The following SH3BGR variants were observed in gnomAD, a reference collection of about 807,000 sequenced individuals.
SH3BGR encodes the protein SH3 domain-binding glutamic acid-rich protein.
A neutral mutation model predicts 24.5 loss-of-function variants in SH3BGR; 29 were observed. That is an observed-to-expected ratio of 1.18 (90% confidence interval 0.88 to 1.61). SH3BGR has a LOEUF of 1.61. SH3BGR is among the 40% of genes most tolerant of loss of function. SH3BGR has a pLI of 0.00. For missense variants in SH3BGR, 162 were observed against 205.8 expected (o/e 0.79, Z 1.30); for synonymous variants, 55 against 65.7 (o/e 0.84, Z 0.79).
At chr21:39,507,208 G>C (rs2078598055) in intron 4 of SH3BGR, among the ~76,000 whole-genome samples, 1 of 152,190 alleles carries the variant, frequency 6.6e-6, no homozygotes, top group Non-Finnish European at 1.5e-5. Context: ...GCACTGTCAG[G>C]CTTTCAAGTT....
chr21:39,498,666 C>T (rs746945853), intron 3 of SH3BGR, among the ~76,000 whole-genome samples: 21 of 152,268 alleles, frequency 1.4e-4, no homozygotes, highest in Non-Finnish European at 2.6e-4. Context: ...GTGGGAGAGG[C>T]ACTGAGCACC....
chr21:39,459,031 T>G (rs2077711176), intron 1 of SH3BGR, among the ~76,000 whole-genome samples: 1 of 152,048 alleles, frequency 6.6e-6, no homozygotes, highest in Non-Finnish European at 1.5e-5. Flanking sequence ...TACCAATTAG[T>G]TCTGTGGTTT....
intron 3 of SH3BGR, among the ~76,000 whole-genome samples, chr21:39,484,656 G>T (rs1273660629): frequency 6.6e-6 from 1 of 152,160 alleles, no homozygotes; most frequent in Non-Finnish European, 1.5e-5. Flanking sequence ...TACCTAAGAG[G>T]CCGTCCAGTC....
At chr21:39,510,909 CTATATATATATATATATATATATA>C (rs61692072) in intron 5 of SH3BGR, among the ~76,000 whole-genome samples, 15 of 65,864 alleles carry the variant, frequency 2.3e-4, no homozygotes, top group South Asian at 2.2e-3. Context: ...ATTCTTCTAA[CTATATATATATATATATATATATA>C]TATATATATA....
At chr21:39,471,303 C>T (rs1366827425) in intron 2 of SH3BGR, among the ~76,000 whole-genome samples, 1 of 152,020 alleles carries the variant, frequency 6.6e-6, no homozygotes, top group Non-Finnish European at 1.5e-5. Flanking sequence ...AGTAATTGGC[C>T]AGGCGAGATG....
chr21:39,475,024 T>A, intron 2 of SH3BGR, 111 bp from the exon 3 acceptor site: 1 of 646,438 alleles, frequency 1.5e-6, no homozygotes, highest in Non-Finnish European at 2.6e-6. Context: ...GGGATGACTT[T>A]TTGTGTGAGC....
chr21:39,463,648 A>G (rs1276305397), intron 2 of SH3BGR, among the ~76,000 whole-genome samples: 1 of 152,224 alleles, frequency 6.6e-6, no homozygotes, highest in Non-Finnish European at 1.5e-5. Context: ...TGTCTGTTTT[A>G]TAAATTTATA....
intron 2 of SH3BGR, among the ~76,000 whole-genome samples, chr21:39,470,180 C>A (rs888480454): frequency 5.3e-5 from 8 of 151,638 alleles, no homozygotes; most frequent in African/African-American, 1.9e-4. Context: ...AATAATCTAT[C>A]CTTTTAGTGG....
At chr21:39,500,855 C>A (rs917070573) in intron 4 of SH3BGR, among the ~76,000 whole-genome samples, 2 of 152,006 alleles carry the variant, frequency 1.3e-5, no homozygotes, top group Non-Finnish European at 2.9e-5. Flanking sequence ...GGCTGGGCAT[C>A]CATTTGTCTT....
intron 3 of SH3BGR, chr21:39,491,857 G>A: frequency 6.1e-6 from 1 of 163,800 alleles, no homozygotes; most frequent in Non-Finnish European, 1.4e-5. Flanking sequence ...CGTGGCCATG[G>A]CCCTTTTTGG....
upstream of SH3BGR, among the ~76,000 whole-genome samples, chr21:39,447,764 G>T (rs1003738627): frequency 2.0e-5 from 3 of 152,090 alleles, no homozygotes; most frequent in Admixed American, 6.6e-5. Context: ...GTACACAATG[G>T]AAGGAGAAGA....
chr21:39,486,859 G>C lies in SH3BGR; in HGVS notation c.312+11644G>C, dbSNP rs543933140. On this transcript the variant is annotated intron_variant, in intron 3 of 6. Coordinates refer to ENST00000333634, the MANE Select transcript of SH3BGR (RefSeq NM_007341.3). Reference sequence around the variant, plus strand: ...GCCTCCCAAGTAGCTGGGATTACAGGTGTGTGCCACCACGTCCAGCTAATT... The same window carrying C: ...GCCTCCCAAGTAGCTGGGATTACAGCTGTGTGCCACCACGTCCAGCTAATT... 7.2e-5 allele frequency among the ~76,000 whole-genome samples: 11 copies of C among 152,196 alleles called. No homozygotes were observed. The South Asian group carries it at 1.9e-3, about 26-fold the overall frequency.
At chr21:39,471,764 G>C (rs565388094) in intron 2 of SH3BGR, among the ~76,000 whole-genome samples, 1 of 152,208 alleles carries the variant, frequency 6.6e-6, no homozygotes, top group South Asian at 2.1e-4. Flanking sequence ...ACCCAGCCTG[G>C]ATGATTTCTT....
intron 3 of SH3BGR, among the ~76,000 whole-genome samples, chr21:39,483,188 C>T (rs556984945): frequency 2.6e-5 from 4 of 152,156 alleles, no homozygotes; most frequent in East Asian, 1.9e-4. Context: ...TTAAGTTTTA[C>T]AGGGAAAAAA....
chr21:39,460,438 G>T (rs959891825), intron 1 of SH3BGR, among the ~76,000 whole-genome samples: 1 of 152,106 alleles, frequency 6.6e-6, no homozygotes, highest in African/African-American at 2.4e-5. Flanking sequence ...TCATAGTAAA[G>T]TATCTTTTTT....
chr21:39,455,886 C>A lies in SH3BGR; in HGVS notation c.45+3745C>A, dbSNP rs78945982. ...AGATTTCATTTTTCTTCTTCTTTTT[C>A]TCCTTTTTTGGGGATGAGGGCTGAG... On this transcript the variant is annotated intron_variant, in intron 1 of 6. Coordinates refer to ENST00000333634, the MANE Select transcript of SH3BGR (RefSeq NM_007341.3). 3.6e-3 allele frequency among the ~76,000 whole-genome samples: 544 copies of A among 152,266 alleles called. 4 individuals are homozygous for A. Among genetic ancestry groups the A allele is most frequent in the African/African-American group, 0.013 (532 of 41,560 alleles).
intron 2 of SH3BGR, among the ~76,000 whole-genome samples, chr21:39,471,963 A>G (rs973706770): frequency 1.3e-5 from 2 of 152,178 alleles, no homozygotes; most frequent in African/African-American, 4.8e-5. Context: ...TTCACTAAAT[A>G]TATTAAATAT....
At chr21:39,499,260 G>GTCTATCTA (rs1003678448) in intron 3 of SH3BGR, among the ~76,000 whole-genome samples, 1 of 151,516 alleles carries the variant, frequency 6.6e-6, no homozygotes, top group Non-Finnish European at 1.5e-5. Context: ...TCTATCATCT[G>GTCTATCTA]TCTATCTGTC....
chr21:39,453,288 C>T (rs1054244627), intron 1 of SH3BGR, among the ~76,000 whole-genome samples: 4 of 151,912 alleles, frequency 2.6e-5, no homozygotes, highest in East Asian at 1.9e-4. Context: ...ACAAATTAGC[C>T]GAAAAAGATG....
Sources: allele counts gnomAD v4.1 joint callset (sites outside exome capture counted in the v4.1 genomes callset), GRCh38; gene constraint gnomAD v4.1.1; transcripts MANE v1.5; gene names NCBI Gene and HGNC (gene_info 2026-07-23, HGNC 2026-07-21).